RNF144B: variants seen among roughly 807,000 people sequenced by gnomAD.
RNF144B encodes the protein ring finger protein 144B, also known as E3 ubiquitin-protein ligase RNF144B.
In RNF144B, 25 loss-of-function variants were observed where a neutral mutation model predicts 40.2. The observed-to-expected ratio is 0.62, with a 90% CI of 0.45 to 0.87. The LOEUF (loss-of-function observed/expected upper bound fraction) is 0.87. Ranked by LOEUF, RNF144B falls within the 40% of genes least tolerant of loss-of-function variation. RNF144B has a pLI of 0.00. For synonymous variants in RNF144B, 145 were observed against 136.3 expected, an observed-to-expected ratio of 1.06 and a Z score of -0.44; for missense variants, 365 against 373.7, an observed-to-expected ratio of 0.98 and a Z score of 0.19.
chr6:18,455,331 C>T (rs1639836655), intron 4 of RNF144B, among the ~76,000 whole-genome samples: 1 of 152,122 alleles, frequency 6.6e-6, no homozygotes, highest in African/African-American at 2.4e-5. Context: ...TTTAAGGATG[C>T]AATTTTTGAA....
rs764090297 is a variant in RNF144B, at chr6:18,387,645, C to T, written c.-37+15C>T. The T allele has an allele frequency of 2.8e-5, 36 of 1,294,134 alleles. No homozygotes were observed. The highest frequency in any genetic ancestry group is 3.4e-5 in the Non-Finnish European group (34 of 991,492). The allele number at this position is 1,294,134 out of a possible 1,614,324, so 80.2% of individuals were successfully genotyped here. A position where few individuals can be genotyped will look rare whatever the true frequency, so the allele number is the denominator to read the frequency against. On this transcript the variant is annotated intron_variant, in intron 1 of 7. Transcript: ENST00000259939. ...TCTGCTGCCAGGTAGGTTTAGCGAG[C>T]TTTTTAAAGGCTACAGGCGTTGCAA...
In RNF144B at chr6:18,443,731, T is replaced by G. The variant is rs1040696372; in HGVS notation, c.331+3987T>G. 2.0e-5 allele frequency among the ~76,000 whole-genome samples: 3 copies of G among 152,204 alleles called. No individual in the cohort carries two copies. The highest frequency in any genetic ancestry group is 4.4e-5 in the Non-Finnish European group (3 of 68,040). ...CACTTTATCTAATTCTGTCTAAACTTTATCTAAATTATGTAAAATAGACTT... is the reference window on the plus strand; with the variant it reads ...CACTTTATCTAATTCTGTCTAAACTGTATCTAAATTATGTAAAATAGACTT... On this transcript the variant is annotated intron_variant, in intron 4 of 7. Coordinates refer to ENST00000259939, the MANE Select transcript of RNF144B (RefSeq NM_182757.4). This position sits in a 1 kb window ranked among gnomAD's most constrained non-coding sequence, Gnocchi z 4.7.
chr6:18,467,086 T>G lies in RNF144B; in HGVS notation c.*2019T>G, dbSNP rs1404917606. The G allele has an allele frequency of 6.5e-6, 1 of 152,672 alleles. No homozygotes were observed. The highest frequency in any genetic ancestry group is 1.5e-5 in the Non-Finnish European group (1 of 68,040). 9.5% of individuals were successfully genotyped at this position (152,672 alleles called of 1,614,324 possible). A position where few individuals can be genotyped will look rare whatever the true frequency, so the allele number is the denominator to read the frequency against. On this transcript the variant is annotated 3_prime_UTR_variant, in exon 8 of 8. Coordinates refer to ENST00000259939, the MANE Select transcript of RNF144B (RefSeq NM_182757.4). ...TAGTTAATTTGCTTTGTTTTACACG[T>G]AGCCCACTGCCTCATTATAGGTAAA... is the stretch of plus-strand genomic sequence containing the variant.
intron 2 of RNF144B, among the ~76,000 whole-genome samples, chr6:18,420,091 G>A (rs1281558733): frequency 6.6e-6 from 1 of 152,012 alleles, no homozygotes; most frequent in Non-Finnish European, 1.5e-5. Flanking sequence ...ACAAAGTTGA[G>A]CACAGACTGA....
At position 18,446,573 on chromosome 6, in the gene RNF144B, G is replaced by A. The variant is rs947038267; in HGVS notation, c.331+6829G>A. On this transcript the variant is annotated intron_variant, in intron 4 of 7. Transcript: ENST00000259939. The surrounding 1 kb of genome is among the most constrained non-coding windows in gnomAD (Gnocchi z 4.7). Reference sequence around the variant, plus strand: ...ATGCTACCATTATCTTTTTTACTATGGGAAATTGATGTACTGATGCTATGT... The same window carrying A: ...ATGCTACCATTATCTTTTTTACTATAGGAAATTGATGTACTGATGCTATGT... Among the ~76,000 whole-genome samples the A allele has an allele frequency of 1.3e-5, 2 of 152,070 alleles. No individual in the cohort carries two copies. The highest frequency in any genetic ancestry group is 2.9e-5 in the Non-Finnish European group (2 of 68,018).
intron 4 of RNF144B, among the ~76,000 whole-genome samples, chr6:18,452,490 G>C (rs1759230166): frequency 1.3e-5 from 2 of 152,252 alleles, no homozygotes; most frequent in Admixed American, 1.3e-4. Flanking sequence ...ATGAAACAAA[G>C]GGGAAATTTG....
In RNF144B at chr6:18,419,755, T is replaced by A. The variant is rs1023193578; in HGVS notation, c.166-7826T>A. On this transcript the variant is annotated intron_variant, in intron 2 of 7. Coordinates refer to ENST00000259939, the MANE Select transcript of RNF144B (RefSeq NM_182757.4). The surrounding 1 kb of genome is among the most constrained non-coding windows in gnomAD (Gnocchi z 4.6). ...GAGGGAAGACAACTCTTTCAAACATTTGATTGTGAAGAGTTGAGGAGTGAA... is the reference window on the plus strand; with the variant it reads ...GAGGGAAGACAACTCTTTCAAACATATGATTGTGAAGAGTTGAGGAGTGAA... Among the ~76,000 whole-genome samples, 1 of 151,958 alleles carries A rather than the reference T, an allele frequency of 6.6e-6. No homozygotes were observed. Among genetic ancestry groups the A allele is most frequent in the Non-Finnish European group, 1.5e-5 (1 of 67,988 alleles).
intron 1 of RNF144B, among the ~76,000 whole-genome samples, chr6:18,392,850 C>T (rs573953192): frequency 6.6e-6 from 1 of 151,974 alleles, no homozygotes; most frequent in African/African-American, 2.4e-5. Context: ...TGTGTAATAT[C>T]ATGTATGTAC....
intron 3 of RNF144B, 109 bp from the exon 4 acceptor site, chr6:18,439,575 T>C (rs1187530116): frequency 2.1e-5 from 16 of 749,186 alleles, no homozygotes; most frequent in Non-Finnish European, 3.3e-5. Context: ...TTGCAAACAA[T>C]TGGTGTAGAG....
intron 3 of RNF144B, among the ~76,000 whole-genome samples, chr6:18,429,729 T>C (rs1758650592): frequency 6.6e-6 from 1 of 152,172 alleles, no homozygotes; most frequent in South Asian, 2.1e-4. Context: ...TCTTGGGTAT[T>C]TGGGTGTATC....
At chr6:18,427,837 C>G in intron 3 of RNF144B, 152 bp downstream of exon 3, 2 of 582,216 alleles carry the variant, frequency 3.4e-6, no homozygotes, top group East Asian at 2.9e-5. Context: ...TACCTTTGGA[C>G]TTTTTATACA....
chr6:18,393,705 T>C (rs148848126), intron 1 of RNF144B, among the ~76,000 whole-genome samples: 3 of 152,324 alleles, frequency 2.0e-5, no homozygotes, highest in African/African-American at 4.8e-5. Flanking sequence ...ATTGCTGCTC[T>C]TTTTTTCTGC....
chr6:18,390,470 C>A (rs1239729923), intron 1 of RNF144B, among the ~76,000 whole-genome samples: 1 of 152,220 alleles, frequency 6.6e-6, no homozygotes, highest in Non-Finnish European at 1.5e-5. Flanking sequence ...TGAGGATCTT[C>A]TCATCTATGA....
Position 18,459,628 on chromosome 6 carries a change from A to G in RNF144B, c.558A>G (p.Ala186=), listed in dbSNP as rs1189703841. The G allele has an allele frequency of 6.2e-7, 1 of 1,613,736 alleles. No individual in the cohort carries two copies. Among genetic ancestry groups the G allele is most frequent in the Non-Finnish European group, 8.5e-7 (1 of 1,179,814 alleles). The part of the protein sequence containing the change: ...TEHRALFGTD[A]EAPIKQCPVC... ...CTAGAGCCCTCTTTGGGACAGATGC[A>G]GAAGCCCCCATTAAGCAGTGCCCAG... The change falls in exon 6 of 8, where the codon GCA becomes GCG. Residue 186 remains alanine, a synonymous_variant. Coordinates refer to ENST00000259939, the MANE Select transcript of RNF144B (RefSeq NM_182757.4). The surrounding 1 kb of genome is among the most constrained non-coding windows in gnomAD (Gnocchi z 4.2).
chr6:18,392,962 A>C (rs140256868), intron 1 of RNF144B, among the ~76,000 whole-genome samples: 13 of 152,200 alleles, frequency 8.5e-5, no homozygotes, highest in African/African-American at 2.9e-4. Flanking sequence ...CTACTAAAAA[A>C]TACAAAAAAT....
rs971507942 is a variant in RNF144B at position 18,444,538 on chromosome 6, T to C, written c.331+4794T>C. 6.6e-6 allele frequency among the ~76,000 whole-genome samples: 1 copy of C among 152,174 alleles called. No individual in the cohort carries two copies. Among genetic ancestry groups the C allele is most frequent in the African/African-American group, 2.4e-5 (1 of 41,440 alleles). ...ACTTTTCCTTTTTTTGTGACCCTGT[T>C]TGACTTTCTGTAACTGCAAGTTGCT... On this transcript the variant is annotated intron_variant, in intron 4 of 7. Transcript: ENST00000259939. This position sits in a 1 kb window ranked among gnomAD's most constrained non-coding sequence, Gnocchi z 4.3.
intron 4 of RNF144B, among the ~76,000 whole-genome samples, chr6:18,452,451 G>A (rs1024592966): frequency 6.6e-6 from 1 of 152,148 alleles, no homozygotes; most frequent in African/African-American, 2.4e-5. Flanking sequence ...GAAAAGCATA[G>A]GATGAGAATT....
chr6:18,463,360 G>A lies in RNF144B; in HGVS notation c.751G>A (p.Val251Met), dbSNP rs1562061702. Reference protein sequence around the residue: ...RNKLGHSRASVMWNRTQVVGI... With the variant: ...RNKLGHSRASMMWNRTQVVGI... ...TAAACTTGGCCACTCAAGAGCATCA[G>A]TGATGTGGAACCGAACACAGGTACC... is the stretch of plus-strand genomic sequence containing the variant. Residue 251 changes from valine to methionine, a missense_variant, in exon 7 of 8, where the codon GTG (valine) becomes ATG (methionine). By Grantham distance (21) the Val-to-Met change is conservative. Coordinates refer to ENST00000259939, the MANE Select transcript of RNF144B (RefSeq NM_182757.4). 5 of 1,609,844 alleles carry A rather than the reference G, an allele frequency of 3.1e-6. No individual in the cohort carries two copies. Among genetic ancestry groups the A allele is most frequent in the Non-Finnish European group, 3.4e-6 (4 of 1,176,104 alleles).
chr6:18,437,362 C>T (rs1303743023), intron 3 of RNF144B, among the ~76,000 whole-genome samples: 1 of 151,932 alleles, frequency 6.6e-6, no homozygotes, highest in Non-Finnish European at 1.5e-5. Flanking sequence ...TTGCTTGAGC[C>T]CGGGAGTTTA....
Sources: allele counts gnomAD v4.1 joint callset (sites outside exome capture counted in the v4.1 genomes callset), GRCh38; gene constraint gnomAD v4.1.1; non-coding constraint Gnocchi (gnomAD v3.1); transcripts MANE v1.5; gene names NCBI Gene and HGNC (gene_info 2026-07-23, HGNC 2026-07-21).